POU6F2: variants seen among roughly 807,000 people sequenced by gnomAD.
The protein encoded by POU6F2 is POU class 6 homeobox 2, also known as POU domain, class 6, transcription factor 2.
In POU6F2, 31 loss-of-function variants were observed where a neutral mutation model predicts 71.3. The observed-to-expected ratio is 0.43, with a 90% CI of 0.33 to 0.59. The LOEUF is 0.59. POU6F2 is among the 20% of genes least tolerant of loss of function. The pLI is 0.04. For missense variants in POU6F2, 783 were observed against 856.8 expected (o/e 0.91, Z 1.07); for synonymous variants, 347 against 355.7 (o/e 0.98, Z 0.27).
At chr7:39,297,775 C>T (rs1193372383) in intron 4 of POU6F2, among the ~76,000 whole-genome samples, 1 of 148,760 alleles carries the variant, frequency 6.7e-6, no homozygotes, top group African/African-American at 2.6e-5. Context: ...CTACAGTAAC[C>T]AAAACAGCAT....
rs531015649 is a variant in POU6F2 at position 39,299,428 on chromosome 7, A to G, written c.599-40214A>G. 1.1e-3 allele frequency among the ~76,000 whole-genome samples: 169 copies of G among 152,238 alleles called. No homozygotes were observed. The South Asian group carries it at 0.03, about 27-fold the overall frequency. ...GGAACTCAAATAATTAATAAGCCCA[A>G]TTCCCTGAATTGTGCCTACAGCATT... On this transcript the variant is annotated intron_variant, in intron 4 of 9. Coordinates refer to ENST00000518318, the MANE Select transcript of POU6F2 (RefSeq NM_001370959.1).
At chr7:39,421,859 A>G (rs1462635285) in intron 6 of POU6F2, among the ~76,000 whole-genome samples, 1 of 152,220 alleles carries the variant, frequency 6.6e-6, no homozygotes, top group Non-Finnish European at 1.5e-5. Flanking sequence ...CCCAAGCAAT[A>G]AATAACTTTA....
intron 5 of POU6F2, among the ~76,000 whole-genome samples, chr7:39,370,260 G>C (rs1291367615): frequency 2.0e-5 from 3 of 152,092 alleles, no homozygotes; most frequent in Non-Finnish European, 2.9e-5. Flanking sequence ...GATGACTTGG[G>C]GTCATTTTTA....
In POU6F2 at chr7:39,370,502, GGTGCGT is replaced by G. The variant is rs538286930; in HGVS notation, c.972+30492_972+30497del. On this transcript the variant is annotated intron_variant, in intron 5 of 9. Coordinates refer to ENST00000518318, the MANE Select transcript of POU6F2 (RefSeq NM_001370959.1). Reference sequence around the variant, plus strand: ...ACAGGAAGAGCCAGAGGAAGACATTGGTGCGTGTGCTCCTGGATGTCTGAATCAGTA... The same window carrying G: ...ACAGGAAGAGCCAGAGGAAGACATTGGTGCTCCTGGATGTCTGAATCAGTA... 7.6e-3 allele frequency among the ~76,000 whole-genome samples: 1,158 copies of G among 152,274 alleles called. 13 individuals are homozygous for G. Among genetic ancestry groups the G allele is most frequent in the African/African-American group, 0.026 (1,091 of 41,554 alleles).
At chr7:39,358,324 G>A (rs1407125448) in intron 5 of POU6F2, among the ~76,000 whole-genome samples, 6 of 152,178 alleles carry the variant, frequency 3.9e-5, no homozygotes, top group Admixed American at 6.5e-5. Flanking sequence ...GTGGGGTACA[G>A]ATGAAAGAAT....
At chr7:39,127,676 C>A (rs1306111051) in intron 2 of POU6F2, among the ~76,000 whole-genome samples, 1 of 151,846 alleles carries the variant, frequency 6.6e-6, no homozygotes, top group Admixed American at 6.6e-5. Context: ...TTGAGCTGAG[C>A]CCTGAATGAA....
At chr7:39,337,993 G>A (rs1226945743) in intron 4 of POU6F2, among the ~76,000 whole-genome samples, 5 of 152,208 alleles carry the variant, frequency 3.3e-5, no homozygotes, top group African/African-American at 1.2e-4. Context: ...AGACTTTCCT[G>A]TTTCTAAATG....
At position 39,370,106 on chromosome 7, in the gene POU6F2, T is replaced by C. The variant is rs1056175703; in HGVS notation, c.972+30091T>C. On this transcript the variant is annotated intron_variant, in intron 5 of 9. Coordinates refer to ENST00000518318, the MANE Select transcript of POU6F2 (RefSeq NM_001370959.1). ...CTTTATTGCAATATTGACTTTATTG[T>C]GGTAGTCGGGAACCTAACCCATAAT... Among the ~76,000 whole-genome samples the C allele has an allele frequency of 6.6e-5, 10 of 152,340 alleles. 1 individual carries two copies. The East Asian group carries it at 1.2e-3, about 18-fold the overall frequency.
chr7:39,332,382 T>C (rs1019509379), intron 4 of POU6F2, among the ~76,000 whole-genome samples: 1 of 152,248 alleles, frequency 6.6e-6, no homozygotes, highest in Non-Finnish European at 1.5e-5. Context: ...ACTTCAACGC[T>C]GTTTCCTGGG....
intron 1 of POU6F2, among the ~76,000 whole-genome samples, chr7:38,980,914 C>T (rs1467351012): frequency 6.6e-6 from 1 of 152,178 alleles, no homozygotes; most frequent in African/African-American, 2.4e-5. Context: ...GCTCAGGACA[C>T]AGCGCTGGCT....
At chr7:39,184,254 C>T (rs1793489841) in intron 2 of POU6F2, among the ~76,000 whole-genome samples, 1 of 152,086 alleles carries the variant, frequency 6.6e-6, no homozygotes, top group South Asian at 2.1e-4. Flanking sequence ...TATCTTTCCC[C>T]CTTCAGGTGC....
At chr7:39,007,787 T>C (rs1789124324) in intron 1 of POU6F2, among the ~76,000 whole-genome samples, 1 of 151,618 alleles carries the variant, frequency 6.6e-6, no homozygotes. Context: ...TTTGGTTTTT[T>C]GTTCTTGCGA....
intron 3 of POU6F2, among the ~76,000 whole-genome samples, chr7:39,205,941 A>T (rs998061649): frequency 3.3e-5 from 5 of 152,228 alleles, no homozygotes; most frequent in African/African-American, 9.6e-5. Context: ...TGGAGGGGAT[A>T]CAAGAAAGGG....
chr7:39,110,975 T>C (rs1791798277), intron 2 of POU6F2, among the ~76,000 whole-genome samples: 1 of 152,210 alleles, frequency 6.6e-6, no homozygotes, highest in African/African-American at 2.4e-5. Context: ...AAATAGTATG[T>C]CACAGAATTA....
At chr7:39,025,649 A>G (rs75229961) in intron 1 of POU6F2, among the ~76,000 whole-genome samples, 29,819 of 150,064 alleles carry the variant, frequency 0.2, 3,254 homozygotes, top group South Asian at 0.34. Flanking sequence ...AAAAACCCTA[A>G]AAGAAAACCT....
chr7:39,448,091 C>A (rs570550543), intron 7 of POU6F2, among the ~76,000 whole-genome samples: 1 of 151,904 alleles, frequency 6.6e-6, no homozygotes, highest in Admixed American at 6.6e-5. Context: ...ACTAAGAATC[C>A]CAGTGATGTA....
chr7:39,468,485 C>T lies in POU6F2; in HGVS notation c.*3799C>T, dbSNP rs1789126673. On this transcript the variant is annotated 3_prime_UTR_variant, in exon 10 of 10. Transcript: ENST00000518318. Reference sequence around the variant, plus strand: ...ATATTTAAAAAAAAAAAAAACTGTACTTAATCTAGAGCAATATCTGTATGG... The same window carrying T: ...ATATTTAAAAAAAAAAAAAACTGTATTTAATCTAGAGCAATATCTGTATGG... 1 of 151,302 alleles carries T rather than the reference C, an allele frequency of 6.6e-6. No individual in the cohort carries two copies. The highest frequency in any genetic ancestry group is 2.4e-5 in the African/African-American group (1 of 41,266). The allele number at this position is 151,302 out of a possible 1,614,324, so 9.4% of individuals were successfully genotyped here.
At chr7:39,266,163 A>G (rs912879693) in intron 4 of POU6F2, among the ~76,000 whole-genome samples, 4 of 152,200 alleles carry the variant, frequency 2.6e-5, no homozygotes, top group Non-Finnish European at 4.4e-5. Context: ...TGTCTGAACC[A>G]TCAGGGAAGT....
chr7:39,093,111 T>A (rs1193418539), intron 2 of POU6F2, among the ~76,000 whole-genome samples: 2 of 152,120 alleles, frequency 1.3e-5, no homozygotes, highest in Middle Eastern at 3.2e-3. Context: ...TAAGGTCTTA[T>A]ATGTAACAAG....
Sources: gnomAD v4.1 joint callset for allele counts (sites outside exome capture counted in the v4.1 genomes callset) on GRCh38, gnomAD v4.1.1 for gene constraint, MANE v1.5 for transcripts, NCBI Gene and HGNC (gene_info 2026-07-23, HGNC 2026-07-21) for gene names.